PEX2: variants seen among roughly 807,000 people sequenced by gnomAD.
PEX2 encodes peroxisome biogenesis factor 2.
Under a neutral mutation model 25.2 loss-of-function variants are expected in PEX2, and 19 were observed. The ratio of observed to expected loss-of-function variants is 0.75; its 90% CI spans 0.53 to 1.10. The LOEUF (loss-of-function observed/expected upper bound fraction) is 1.10, where lower values mean the gene tolerates loss of function less well. PEX2 is among the 50% of genes least tolerant of loss of function. PEX2 has a pLI of 0.00. For synonymous variants in PEX2, 141 were observed against 127.7 expected (o/e 1.10, Z -0.70); for missense variants, 347 against 350.6 (o/e 0.99, Z 0.08).
At chr8:76,999,098 AAGTTAAAAG>A (rs1173709120) in intron 1 of PEX2, among the ~76,000 whole-genome samples, 2 of 152,246 alleles carry the variant, frequency 1.3e-5, no homozygotes, top group East Asian at 3.9e-4. Flanking sequence ...GAGATCAGAT[AAGTTAAAAG>A]AGCCACCCCA....
intron 1 of PEX2, 78 bp downstream of exon 1, chr8:76,999,912 G>A (rs16939394): frequency 0.057 from 26,240 of 456,538 alleles, 1,811 homozygotes; most frequent in East Asian, 0.2. Flanking sequence ...ACAATTACAA[G>A]GTCGTGAAAC....
At chr8:76,989,179 CAA>C (rs149287959) in intron 1 of PEX2, among the ~76,000 whole-genome samples, 12 of 131,248 alleles carry the variant, frequency 9.1e-5, no homozygotes, top group South Asian at 2.4e-4. Context: ...ACCTTCGTTT[CAA>C]AAAAAAAAAA....
chr8:76,995,160 CACTA>C (rs1807285405), intron 1 of PEX2, among the ~76,000 whole-genome samples: 1 of 152,198 alleles, frequency 6.6e-6, no homozygotes, highest in Non-Finnish European at 1.5e-5. Context: ...AGTGCCTTGT[CACTA>C]CTTTCTCGTT....
At chr8:76,987,004 A>T (rs956814209) in intron 2 of PEX2, among the ~76,000 whole-genome samples, 1 of 152,190 alleles carries the variant, frequency 6.6e-6, no homozygotes, top group South Asian at 2.1e-4. Context: ...AGGATAGAAA[A>T]TATCAATTCC....
chr8:76,989,123 G>C (rs1807089629), intron 1 of PEX2, among the ~76,000 whole-genome samples: 1 of 151,690 alleles, frequency 6.6e-6, no homozygotes, highest in Non-Finnish European at 1.5e-5. Flanking sequence ...AGAGGCTGCA[G>C]TGAGCTGACT....
Position 76,984,060 on chromosome 8 carries a change from CA to C in PEX2, c.118del (p.Cys40AlafsTer10). The C allele has an allele frequency of 6.2e-7, 1 of 1,612,718 alleles. No individual in the cohort carries two copies. The highest frequency in any genetic ancestry group is 8.5e-7 in the Non-Finnish European group (1 of 1,179,214). ...EQLVWSQFTQ[C>X]FHGFKPGLLA... The stretch of plus-strand genomic sequence containing the variant: ...CAGCCCAGGTTTAAATCCATGAAAG[CA>C]CTGAGTAAACTGGGACCAAACTAGC... On this transcript the variant is annotated frameshift_variant, in exon 4 of 4. Coordinates refer to ENST00000357039, the MANE Select transcript of PEX2 (RefSeq NM_000318.3). LOFTEE classifies it high-confidence loss of function.
chr8:76,983,350 A>C lies in PEX2; in HGVS notation c.829T>G (p.Tyr277Asp). Residue 277 changes from tyrosine (Y) to aspartate (D), a missense_variant, in exon 4 of 4, where the codon TAC becomes GAC. Physicochemically the swap from Tyr to Asp is radical, Grantham distance 160. Coordinates refer to ENST00000357039, the MANE Select transcript of PEX2 (RefSeq NM_000318.3). ...CAKSSFLFDVYFTCPKCGTEV... is the reference protein window; with the variant it reads ...CAKSSFLFDVDFTCPKCGTEV... Reference sequence around the variant, plus strand: ...GTGCCACACTTAGGACAAGTAAAGTACACGTCAAATAAGAAACTACTCTTA... The same window carrying C: ...GTGCCACACTTAGGACAAGTAAAGTCCACGTCAAATAAGAAACTACTCTTA... 6.2e-7 allele frequency: 1 copy of C among 1,614,104 alleles called. No individual in the cohort carries two copies. The highest frequency in any genetic ancestry group is 8.5e-7 in the Non-Finnish European group (1 of 1,180,036).
rs1806865936 is a variant in PEX2 at position 76,982,589 on chromosome 8, A to T, written c.*672T>A. The stretch of plus-strand genomic sequence containing the variant: ...CACTTTGGGAGGCTGACGCAGGTGG[A>T]TCACCAGATCAGGAGATAGAGACCA... On this transcript the variant is annotated 3_prime_UTR_variant, in exon 4 of 4. Transcript: ENST00000357039. 1 of 152,364 alleles carries T rather than the reference A, an allele frequency of 6.6e-6. No individual in the cohort carries two copies. The highest frequency in any genetic ancestry group is 1.5e-5 in the Non-Finnish European group (1 of 68,228). The allele number at this position is 152,364 out of a possible 1,614,324, so 9.4% of individuals were successfully genotyped here. A position where few individuals can be genotyped will look rare whatever the true frequency, so the allele number is the denominator to read the frequency against.
At chr8:76,996,640 C>T (rs1807342021) in intron 1 of PEX2, among the ~76,000 whole-genome samples, 1 of 152,086 alleles carries the variant, frequency 6.6e-6, no homozygotes, top group Non-Finnish European at 1.5e-5. Flanking sequence ...TTCTAAATGA[C>T]TTGAAAATAA....
chr8:77,000,180 G>C (rs1401714584), upstream of PEX2: 1 of 309,748 alleles, frequency 3.2e-6, no homozygotes, highest in African/African-American at 2.2e-5. Context: ...GCGCTTTAGC[G>C]GCGCTGCTGA....
chr8:76,984,014 C>T lies in PEX2; in HGVS notation c.165G>A (p.Glu55=). Residue 55 remains glutamate, a synonymous_variant, in exon 4 of 4, where the codon GAG becomes GAA. Transcript: ENST00000357039. ...AGAAAACCCATAAGCACGCTTTCAC[C>T]TCTGGCTCAAAGCGAGCTAACAGCC... The part of the protein sequence containing the change: ...KPGLLARFEP[E]VKACLWVFLW... The T allele has an allele frequency of 6.2e-7, 1 of 1,613,858 alleles. No homozygotes were observed. Among genetic ancestry groups the T allele is most frequent in the South Asian group, 1.1e-5 (1 of 91,072 alleles).
intron 1 of PEX2, among the ~76,000 whole-genome samples, chr8:76,989,634 C>T (rs990354626): frequency 6.6e-6 from 1 of 152,174 alleles, no homozygotes; most frequent in Non-Finnish European, 1.5e-5. Flanking sequence ...TGTACATCTT[C>T]GTCAGAGCTC....
intron 1 of PEX2, among the ~76,000 whole-genome samples, chr8:76,988,733 A>G (rs1337313113): frequency 6.6e-6 from 1 of 152,226 alleles, no homozygotes; most frequent in Non-Finnish European, 1.5e-5. Context: ...TTTTACCAAG[A>G]GTAAACCTTC....
At chr8:76,989,072 G>A (rs1472697342) in intron 1 of PEX2, among the ~76,000 whole-genome samples, 1 of 151,344 alleles carries the variant, frequency 6.6e-6, no homozygotes, top group African/African-American at 2.4e-5. Flanking sequence ...AGCTACTAAG[G>A]GGAGGCTGAC....
chr8:77,000,748 T>A (rs1441175609), upstream of PEX2: 3 of 152,180 alleles, frequency 2.0e-5, no homozygotes, highest in African/African-American at 7.2e-5. Flanking sequence ...AGCGCGCGCC[T>A]GGCCTGAGGT....
chr8:76,989,286 A>T (rs893347082), intron 1 of PEX2, among the ~76,000 whole-genome samples: 1 of 152,148 alleles, frequency 6.6e-6, no homozygotes, highest in Admixed American at 6.5e-5. Flanking sequence ...TAGCTCTCTT[A>T]CTATTTCTAT....
upstream of PEX2, chr8:77,000,146 G>A (rs1807462248): frequency 3.0e-6 from 1 of 337,830 alleles, no homozygotes; most frequent in Admixed American, 4.2e-5. Flanking sequence ...AAAAAAAAAA[G>A]AAAAAGTTAC....
intron 3 of PEX2, among the ~76,000 whole-genome samples, 176 bp downstream of exon 3, chr8:76,986,011 C>T (rs1240171413): frequency 6.6e-6 from 1 of 152,098 alleles, no homozygotes; most frequent in Non-Finnish European, 1.5e-5. Flanking sequence ...TCTAAATTTA[C>T]CCATGCATCC....
At chr8:76,999,359 A>G (rs576601953) in intron 1 of PEX2, among the ~76,000 whole-genome samples, 7 of 151,932 alleles carry the variant, frequency 4.6e-5, no homozygotes, top group African/African-American at 1.7e-4. Flanking sequence ...TACCTCAATA[A>G]ATAAACAAAC....
Sources: allele counts gnomAD v4.1 joint callset (sites outside exome capture counted in the v4.1 genomes callset), GRCh38; gene constraint gnomAD v4.1.1; transcripts MANE v1.5; gene names NCBI Gene and HGNC (gene_info 2026-07-23, HGNC 2026-07-21).